CSMD2: variants seen among roughly 807,000 people sequenced by gnomAD.
The protein encoded by CSMD2 is CUB and sushi domain-containing protein 2.
In CSMD2, 130 loss-of-function variants were observed where a neutral mutation model predicts 398.5. The ratio of observed to expected loss-of-function variants is 0.33; its 90% confidence interval spans 0.28 to 0.38. The LOEUF is 0.38. CSMD2 is among the 10% of genes least tolerant of loss of function. CSMD2 has a pLI of 1.00. For missense variants in CSMD2, 3,829 were observed against 4,764.9 expected (o/e 0.80, Z 5.78); for synonymous variants, 1,828 against 1,908.5 (o/e 0.96, Z 1.10).
At chr1:33,727,599 T>C (rs1388364005) in intron 15 of CSMD2, among the ~76,000 whole-genome samples, 1 of 152,158 alleles carries the variant, frequency 6.6e-6, no homozygotes, top group Non-Finnish European at 1.5e-5. Flanking sequence ...CTGTGGAAAC[T>C]TTATAAGCCT....
At chr1:34,014,154 G>A (rs10914841) in intron 3 of CSMD2, among the ~76,000 whole-genome samples, 31,332 of 152,148 alleles carry the variant, frequency 0.21, 3,922 homozygotes, top group East Asian at 0.57. Flanking sequence ...CTTCACCGTT[G>A]CGGCTCTCAC....
Position 33,624,985 on chromosome 1 carries a change from T to TC in CSMD2, c.5500+65dup, listed in dbSNP as rs1642014331. ...TGGGGCATCACTGGGGCTGACTGCC[T>TC]CCCCTACAGAGAAAGGACTACGTGC... On this transcript the variant is annotated intron_variant, in intron 34 of 70. Transcript: ENST00000373381. The surrounding 1 kb of genome is among the most constrained non-coding windows in gnomAD (Gnocchi z 4.7). 1 of 1,500,050 alleles carries TC rather than the reference T, an allele frequency of 6.7e-7. No homozygotes were observed. The highest frequency in any genetic ancestry group is 9.3e-7 in the Non-Finnish European group (1 of 1,080,346). The allele number at this position is 1,500,050 out of a possible 1,614,324, so 92.9% of individuals were successfully genotyped here. A position where few individuals can be genotyped will look rare whatever the true frequency, so the allele number is the denominator to read the frequency against.
At chr1:33,691,340 T>C (rs1645232912) in intron 25 of CSMD2, among the ~76,000 whole-genome samples, 1 of 152,170 alleles carries the variant, frequency 6.6e-6, no homozygotes, top group Non-Finnish European at 1.5e-5. Context: ...CAGAAGGTTA[T>C]CCCAGCAGTG....
At chr1:33,523,229 G>T in intron 67 of CSMD2, 78 bp downstream of exon 67, 1 of 748,582 alleles carries the variant, frequency 1.3e-6, no homozygotes, top group Non-Finnish European at 2.3e-6. Flanking sequence ...GATCCTAGGG[G>T]TTTGCACACC....
chr1:34,079,158 CT>C (rs1158891993), intron 2 of CSMD2, among the ~76,000 whole-genome samples: 4 of 152,120 alleles, frequency 2.6e-5, no homozygotes, highest in Non-Finnish European at 5.9e-5. Context: ...TAACATCATA[CT>C]TAATGCTAAA....
intron 3 of CSMD2, among the ~76,000 whole-genome samples, chr1:33,991,756 T>C (rs1026005969): frequency 6.6e-6 from 1 of 151,906 alleles, no homozygotes; most frequent in Admixed American, 6.6e-5. Context: ...TCTGACTCAA[T>C]AAAATAGGCC....
chr1:33,790,838 TATCTATC>T (rs1338925529), intron 11 of CSMD2, among the ~76,000 whole-genome samples: 8 of 148,214 alleles, frequency 5.4e-5, no homozygotes, highest in Non-Finnish European at 9.0e-5. Flanking sequence ...TCTATCTATC[TATCTATC>T]ATCTATCTAT....
chr1:33,553,733 C>T (rs1004060920), intron 55 of CSMD2, among the ~76,000 whole-genome samples: 2 of 152,082 alleles, frequency 1.3e-5, no homozygotes, highest in Non-Finnish European at 2.9e-5. Context: ...GGGCTGCTTC[C>T]GTGAATACAT....
intron 40 of CSMD2, 46 bp downstream of exon 40, chr1:33,614,458 G>C (rs1641251045): frequency 8.9e-7 from 1 of 1,127,484 alleles, no homozygotes; most frequent in Admixed American, 1.7e-5. Flanking sequence ...TAAGCTCAAG[G>C]GTCTGGGCTT....
At chr1:34,076,123 T>C (rs9425986) in intron 2 of CSMD2, among the ~76,000 whole-genome samples, 41,794 of 152,150 alleles carry the variant, frequency 0.27, 6,167 homozygotes, top group Admixed American at 0.37. Context: ...AAGGGAGTCA[T>C]TGGGAGATGA....
chr1:33,843,747 C>G (rs1017760097), intron 6 of CSMD2, among the ~76,000 whole-genome samples: 1 of 152,192 alleles, frequency 6.6e-6, no homozygotes, highest in Non-Finnish European at 1.5e-5. Context: ...ATGGGAAGCA[C>G]AGTGGATGGG....
chr1:33,777,206 T>C (rs1466408443), intron 12 of CSMD2, among the ~76,000 whole-genome samples: 1 of 150,542 alleles, frequency 6.6e-6, no homozygotes, highest in Non-Finnish European at 1.5e-5. Flanking sequence ...TCGTGGTGAC[T>C]TCACGGGAAC....
At chr1:34,087,510 G>A (rs1401658859) in intron 2 of CSMD2, among the ~76,000 whole-genome samples, 36 of 151,820 alleles carry the variant, frequency 2.4e-4, no homozygotes, top group Admixed American at 2.2e-3. Context: ...GGAGAAATAC[G>A]TAATGTAGAT....
At chr1:33,864,843 T>C in intron 5 of CSMD2, 2 of 1,097,344 alleles carry the variant, frequency 1.8e-6, no homozygotes, top group African/African-American at 1.9e-5. Flanking sequence ...GACTGATGCT[T>C]TGTGGAGGAG....
rs571299862 is a variant in CSMD2 at position 33,551,607 on chromosome 1, T to C, written c.8744-1257A>G. On this transcript the variant is annotated intron_variant, in intron 55 of 70. Transcript: ENST00000373381. ...TTGGTAGGTACTGGGATGGTAAGAATGGGTCTTAGGTATCTTCACTTCTCA... is the reference window on the plus strand; with the variant it reads ...TTGGTAGGTACTGGGATGGTAAGAACGGGTCTTAGGTATCTTCACTTCTCA... Among the ~76,000 whole-genome samples the C allele has an allele frequency of 2.0e-5, 3 of 152,330 alleles. No homozygotes were observed. In the East Asian group the frequency reaches 5.8e-4, roughly 29 times the overall value.
intron 5 of CSMD2, chr1:33,864,144 C>A (rs755116578): frequency 1.3e-5 from 20 of 1,514,466 alleles, no homozygotes; most frequent in Middle Eastern, 2.3e-4. Context: ...GAACAACAGT[C>A]TCTCCTGTCC....
intron 5 of CSMD2, among the ~76,000 whole-genome samples, chr1:33,905,832 G>A (rs1446458145): frequency 6.6e-6 from 1 of 152,188 alleles, no homozygotes; most frequent in Non-Finnish European, 1.5e-5. Flanking sequence ...GAAGCATGAG[G>A]TGTGGCAGAG....
At chr1:33,985,693 G>A (rs1646336120) in intron 3 of CSMD2, among the ~76,000 whole-genome samples, 1 of 152,202 alleles carries the variant, frequency 6.6e-6, no homozygotes, top group Admixed American at 6.5e-5. Context: ...GTATGTGAAA[G>A]TCCCTGCTCC....
At chr1:34,089,418 T>A (rs1289728054) in intron 1 of CSMD2, among the ~76,000 whole-genome samples, 1 of 152,192 alleles carries the variant, frequency 6.6e-6, no homozygotes, top group African/African-American at 2.4e-5. Flanking sequence ...TATCATTTAA[T>A]CAAGGCTTAC....
Sources: gnomAD v4.1 joint callset for allele counts (sites outside exome capture counted in the v4.1 genomes callset) on GRCh38, gnomAD v4.1.1 for gene constraint, Gnocchi (gnomAD v3.1) non-coding constraint, MANE v1.5 for transcripts, NCBI Gene and HGNC (gene_info 2026-07-23, HGNC 2026-07-21) for gene names.